The following ZNF460 variants were observed in gnomAD, a reference collection of about 807,000 sequenced individuals.
ZNF460 encodes the protein zinc finger protein 272.
In ZNF460, 1 loss-of-function variant was observed where a neutral mutation model predicts 8.4. The observed-to-expected ratio is 0.12, with a 90% confidence interval of 0.04 to 0.56. The LOEUF is 0.56. Ranked by LOEUF, ZNF460 falls within the 20% of genes least tolerant of loss-of-function variation. ZNF460 has a pLI of 0.91. For synonymous variants in ZNF460, 262 were observed against 259.9 expected (o/e 1.01, Z -0.08); for missense variants, 477 against 714.8 (o/e 0.67, Z 3.79).
intron 2 of ZNF460, 136 bp downstream of exon 2, chr19:57,284,813 ATTTTTTTT>A: frequency 1.6e-6 from 1 of 633,570 alleles, no homozygotes; most frequent in African/African-American, 2.4e-5. Flanking sequence ...GCTTTACTCT[ATTTTTTTT>A]TTTTTTTTTT....
rs1600029009 is a variant in ZNF460, at chr19:57,290,765, C to T, written c.224C>T (p.Ser75Leu). The T allele has an allele frequency of 2.5e-6, 4 of 1,614,214 alleles. No homozygotes were observed. Among genetic ancestry groups the T allele is most frequent in the Non-Finnish European group, 1.7e-6 (2 of 1,180,036 alleles). The change falls in exon 3 of 3, where the codon TCA (serine) becomes TTA (leucine). Residue 75 changes from serine to leucine, a missense_variant. Around this residue, in one of 5 missense-constraint regions of ZNF460, gnomAD observed 169 missense variants for 178.6 expected, o/e 0.95. Transcript: ENST00000360338. ...CATCTGGCCTTGCCTGAGGAAGTCT[C>T]ACTCCAGGAACAGCTGGCACAGGGA... ...PSHLALPEEV[S>L]LQEQLAQGVP... is the part of the protein sequence containing the mutation.
At chr19:57,282,380 G>A (rs2087846802) in intron 1 of ZNF460, among the ~76,000 whole-genome samples, 2 of 152,100 alleles carry the variant, frequency 1.3e-5, no homozygotes, top group African/African-American at 4.8e-5. Context: ...CTTGCTCATG[G>A]AATCTTCTGG....
At chr19:57,284,910 C>G (rs1288048553) in intron 2 of ZNF460, among the ~76,000 whole-genome samples, 1 of 151,600 alleles carries the variant, frequency 6.6e-6, no homozygotes, top group African/African-American at 2.4e-5. Flanking sequence ...TCCGTCTCCC[C>G]GATTCAAGTG....
intron 2 of ZNF460, among the ~76,000 whole-genome samples, chr19:57,290,375 T>C (rs1665613314): frequency 6.6e-6 from 1 of 151,942 alleles, no homozygotes; most frequent in Non-Finnish European, 1.5e-5. Flanking sequence ...CCTCCCAGGT[T>C]CAAGCGATTC....
At chr19:57,280,268 T>A (rs942787559), upstream of ZNF460, 1 of 154,792 alleles carries the variant, frequency 6.5e-6, no homozygotes, top group East Asian at 1.9e-4. Flanking sequence ...GGGGTTCTGG[T>A]GCGCACTTAC....
At position 57,293,406 on chromosome 19, in the gene ZNF460, TCA is replaced by T. The variant is rs1478703684; in HGVS notation, c.*1178_*1179del. On this transcript the variant is annotated 3_prime_UTR_variant, in exon 3 of 3. Coordinates refer to ENST00000360338, the MANE Select transcript of ZNF460 (RefSeq NM_006635.4). The stretch of plus-strand genomic sequence containing the variant: ...CTGCATATGTATATGCAGGTAGTTG[TCA>T]CCATGGATTGAGTCCAGTCGTAGTA... 9.2e-5 allele frequency: 14 copies of T among 152,350 alleles called. No homozygotes were observed. Among genetic ancestry groups the T allele is most frequent in the African/African-American group, 3.4e-4 (14 of 41,586 alleles). 9.4% of individuals were successfully genotyped at this position (152,350 alleles called of 1,614,324 possible). A position where few individuals can be genotyped will look rare whatever the true frequency, so the allele number is the denominator to read the frequency against.
At position 57,280,510 on chromosome 19, in the gene ZNF460, G is replaced by C. The variant is rs1252826831; in HGVS notation, c.-297G>C. 2 of 496,004 alleles carry C rather than the reference G, an allele frequency of 4.0e-6. No homozygotes were observed. The highest frequency in any genetic ancestry group is 7.3e-6 in the Non-Finnish European group (2 of 273,854). The allele number at this position is 496,004 out of a possible 1,614,324, so 30.7% of individuals were successfully genotyped here. ...GAAACAGTGTGGGGCCTAGAGCGCT[G>C]GGTGGGCGCGTTCTGCGGCCTGAGC... On this transcript the variant is annotated 5_prime_UTR_variant, in exon 1 of 3. Coordinates refer to ENST00000360338, the MANE Select transcript of ZNF460 (RefSeq NM_006635.4).
chr19:57,284,289 G>C (rs559760826), intron 1 of ZNF460, among the ~76,000 whole-genome samples: 1 of 151,250 alleles, frequency 6.6e-6, no homozygotes, highest in Non-Finnish European at 1.5e-5. Context: ...GCAGTGGCAC[G>C]ATCTCAGCTC....
At position 57,293,127 on chromosome 19, in the gene ZNF460, T is replaced by C. The variant is rs1034020547; in HGVS notation, c.*897T>C. On this transcript the variant is annotated 3_prime_UTR_variant, in exon 3 of 3. Coordinates refer to ENST00000360338, the MANE Select transcript of ZNF460 (RefSeq NM_006635.4). ...ATAATGTAATCCAGGGAGTCCTAAT[T>C]CTTCCCTCTGATTGTGGTTTCTCAG... 21 of 152,358 alleles carry C rather than the reference T, an allele frequency of 1.4e-4. No homozygotes were observed. Among genetic ancestry groups the C allele is most frequent in the Admixed American group, 1.2e-3 (18 of 15,300 alleles). The allele number at this position is 152,358 out of a possible 1,614,324, so 9.4% of individuals were successfully genotyped here.
intron 2 of ZNF460, 32 bp downstream of exon 2, chr19:57,284,709 G>T: frequency 6.5e-7 from 1 of 1,546,554 alleles, no homozygotes; most frequent in South Asian, 1.2e-5. Context: ...CCAAAATCAG[G>T]GGCACCAGAA....
At position 57,292,108 on chromosome 19, in the gene ZNF460, T is replaced by C. The variant is rs2087922310; in HGVS notation, c.1567T>C (p.Ser523Pro). 6.8e-6 allele frequency: 11 copies of C among 1,614,084 alleles called. No individual in the cohort carries two copies. Among genetic ancestry groups the C allele is most frequent in the Non-Finnish European group, 7.6e-6 (9 of 1,180,008 alleles). The part of the protein sequence containing the change: ...SCESTDLIQH[S>P]IIHTESSPVS... ...TGAGAGCACAGATCTCATTCAACAC[T>C]CCATCATCCACACTGAGAGTAGCCC... The change falls in exon 3 of 3, where the codon TCC becomes CCC. Residue 523 changes from serine (S) to proline (P), a missense_variant. By Grantham distance (74) the Ser-to-Pro change is moderately conservative. Coordinates refer to ENST00000360338, the MANE Select transcript of ZNF460 (RefSeq NM_006635.4).
Position 57,293,191 on chromosome 19 carries a change from AT to A in ZNF460, c.*963del, listed in dbSNP as rs1180069810. On this transcript the variant is annotated 3_prime_UTR_variant, in exon 3 of 3. Transcript: ENST00000360338. Reference sequence around the variant, plus strand: ...CTTTAGAGAGAGTAAATAGTTCAAAATTCACCTCAACAATTTTCTAGAGGTC... The same window carrying A: ...CTTTAGAGAGAGTAAATAGTTCAAAATCACCTCAACAATTTTCTAGAGGTC... The A allele has an allele frequency of 2.0e-5, 3 of 152,214 alleles. No homozygotes were observed. The highest frequency in any genetic ancestry group is 7.2e-5 in the African/African-American group (3 of 41,452). 9.4% of individuals were successfully genotyped at this position (152,214 alleles called of 1,614,324 possible).
rs904905897 is a variant in ZNF460, at chr19:57,292,221, A to G, written c.1680A>G (p.Leu560=). The G allele has an allele frequency of 1.9e-6, 3 of 1,608,900 alleles. No individual in the cohort carries two copies. Among genetic ancestry groups the G allele is most frequent in the Admixed American group, 3.3e-5 (2 of 59,760 alleles). ...ACGGATTCATAGTGGAAGAAACCCT[A>G]CCATTGTAACAGATGTGGAAAGACT... ...DINGFIVEET[L]PL The change falls in exon 3 of 3, where the codon CTA becomes CTG. Residue 560 remains leucine (L), a synonymous_variant. Coordinates refer to ENST00000360338, the MANE Select transcript of ZNF460 (RefSeq NM_006635.4).
At chr19:57,289,969 C>A (rs1424342555) in intron 2 of ZNF460, among the ~76,000 whole-genome samples, 2 of 151,790 alleles carry the variant, frequency 1.3e-5, no homozygotes, top group Non-Finnish European at 2.9e-5. Context: ...GGTGAGACCT[C>A]ATCTGTAAAA....
chr19:57,279,990 C>T (rs2087824335), upstream of ZNF460: 2 of 152,284 alleles, frequency 1.3e-5, no homozygotes, highest in African/African-American at 4.8e-5. Context: ...CTGTCCTTTC[C>T]CAGCAGGCTG....
chr19:57,280,746 C>G lies in ZNF460; in HGVS notation c.-61C>G. On this transcript the variant is annotated 5_prime_UTR_variant, in exon 1 of 3. Transcript: ENST00000360338. ...TGAGGCTCGGAGTGCGAAAGTCAGCCGAGGTCGCCCCGCCCAGGACAGAGA... is the reference window on the plus strand; with the variant it reads ...TGAGGCTCGGAGTGCGAAAGTCAGCGGAGGTCGCCCCGCCCAGGACAGAGA... 1 of 1,606,912 alleles carries G rather than the reference C, an allele frequency of 6.2e-7. No homozygotes were observed.
At chr19:57,282,074 T>C (rs2087844554) in intron 1 of ZNF460, 1 of 152,184 alleles carries the variant, frequency 6.6e-6, no homozygotes, top group Non-Finnish European at 1.5e-5. Flanking sequence ...GAGGCCTCCT[T>C]CTAGCCAGTG....
At chr19:57,281,703 C>A (rs1236130591) in intron 1 of ZNF460, among the ~76,000 whole-genome samples, 1 of 151,548 alleles carries the variant, frequency 6.6e-6, no homozygotes, top group African/African-American at 2.4e-5. Context: ...GTAGCTGGGA[C>A]TACAGGTGTG....
intron 2 of ZNF460, among the ~76,000 whole-genome samples, chr19:57,287,058 C>G (rs2087884789): frequency 6.6e-6 from 1 of 152,040 alleles, no homozygotes; most frequent in Non-Finnish European, 1.5e-5. Context: ...CTATCTCCAG[C>G]TCCTCATCAG....
Sources: allele counts gnomAD v4.1 joint callset (sites outside exome capture counted in the v4.1 genomes callset), GRCh38; gene constraint gnomAD v4.1.1; regional missense constraint gnomAD v4.1.1; transcripts MANE v1.5; gene names NCBI Gene and HGNC (gene_info 2026-07-23, HGNC 2026-07-21).